The following ZNF804B variants were observed in gnomAD, a reference collection of about 807,000 sequenced individuals.
ZNF804B encodes zinc finger 804B.
ZNF804B carries 80 observed loss-of-function variants against 101.4 expected under a neutral mutation model. That is an observed-to-expected ratio of 0.79 (90% CI 0.66 to 0.95). ZNF804B has a LOEUF of 0.95. Among genes scored for constraint, ZNF804B ranks in the 40% least tolerant of loss-of-function variants. ZNF804B has a pLI of 0.00. For missense variants in ZNF804B, 1,673 were observed against 1,561.9 expected (o/e 1.07, Z -1.20); for synonymous variants, 622 against 558.8 (o/e 1.11, Z -1.59).
chr7:89,335,585 G>A lies in ZNF804B; in HGVS notation c.2603G>A (p.Ser868Asn). ...GAGAAAATGTATTACTTGAATAAAA[G>A]CAAGAGAAATCAAGAGTCTTTGGGC... ...SIEKMYYLNK[S>N]KRNQESLGSP... Residue 868 changes from serine to asparagine, a missense_variant, in exon 4 of 4, where the codon AGC (serine) becomes AAC (asparagine). Ser to Asn is a conservative substitution (Grantham distance 46). Coordinates refer to ENST00000333190, the MANE Select transcript of ZNF804B (RefSeq NM_181646.5). 3.1e-6 allele frequency: 5 copies of A among 1,613,888 alleles called. No homozygotes were observed. Among genetic ancestry groups the A allele is most frequent in the Non-Finnish European group, 4.2e-6 (5 of 1,179,912 alleles).
intron 1 of ZNF804B, among the ~76,000 whole-genome samples, chr7:89,116,349 A>G (rs1790312944): frequency 6.6e-6 from 1 of 152,120 alleles, no homozygotes; most frequent in African/African-American, 2.4e-5. Context: ...CTCCTTAAAA[A>G]CTTAGAAAAT....
chr7:88,932,857 A>C (rs1319500171), intron 1 of ZNF804B, among the ~76,000 whole-genome samples: 1 of 151,814 alleles, frequency 6.6e-6, no homozygotes, highest in Admixed American at 6.6e-5. Context: ...CAAATTCTCA[A>C]AGAAGAATTG....
At chr7:89,031,656 TTTTTG>T (rs1371068827) in intron 1 of ZNF804B, among the ~76,000 whole-genome samples, 35 of 141,956 alleles carry the variant, frequency 2.5e-4, no homozygotes, top group Admixed American at 7.2e-5. Context: ...AGGCTTCTGG[TTTTTG>T]TTTTTTTTTT....
At chr7:89,278,831 C>T (rs2115861694) in intron 2 of ZNF804B, among the ~76,000 whole-genome samples, 1 of 151,840 alleles carries the variant, frequency 6.6e-6, no homozygotes, top group Non-Finnish European at 1.5e-5. Context: ...CTTGGCGATG[C>T]AGGCTCTTTT....
At chr7:89,302,083 C>T (rs1202263023) in intron 2 of ZNF804B, among the ~76,000 whole-genome samples, 2 of 150,406 alleles carry the variant, frequency 1.3e-5, no homozygotes, top group African/African-American at 4.9e-5. Context: ...GACATATATA[C>T]ATAAGCACAA....
At chr7:89,233,903 T>G (rs1469488100) in intron 2 of ZNF804B, among the ~76,000 whole-genome samples, 3 of 152,192 alleles carry the variant, frequency 2.0e-5, no homozygotes, top group Non-Finnish European at 2.9e-5. Flanking sequence ...GGATCACATG[T>G]GTGGCCATTG....
intron 1 of ZNF804B, among the ~76,000 whole-genome samples, chr7:89,157,128 A>G (rs1790991366): frequency 1.3e-5 from 2 of 152,216 alleles, no homozygotes; most frequent in Non-Finnish European, 2.9e-5. Context: ...CAGTAAAATA[A>G]GATTTGCTTA....
At chr7:89,092,020 A>G (rs1176448872) in intron 1 of ZNF804B, among the ~76,000 whole-genome samples, 5 of 152,190 alleles carry the variant, frequency 3.3e-5, no homozygotes, top group Admixed American at 2.6e-4. Flanking sequence ...CTATTATAAC[A>G]AAACACTGTA....
intron 1 of ZNF804B, among the ~76,000 whole-genome samples, chr7:88,959,503 A>G (rs141904144): frequency 1.6e-4 from 24 of 151,490 alleles, no homozygotes; most frequent in African/African-American, 4.8e-4. Context: ...TTATTTTAAT[A>G]TTCAAATAAT....
intron 2 of ZNF804B, among the ~76,000 whole-genome samples, chr7:89,307,520 AT>A (rs1201455624): frequency 6.6e-6 from 1 of 151,992 alleles, no homozygotes; most frequent in Non-Finnish European, 1.5e-5. Flanking sequence ...TATGAAATAT[AT>A]TGCCACTTAA....
chr7:89,127,719 C>T (rs1790494347), intron 1 of ZNF804B, among the ~76,000 whole-genome samples: 1 of 151,458 alleles, frequency 6.6e-6, no homozygotes, highest in Non-Finnish European at 1.5e-5. Context: ...ATAAATCTGT[C>T]TTAAATATAA....
In ZNF804B at chr7:89,334,886, A is replaced by C; in HGVS notation, c.1904A>C (p.Lys635Thr). The C allele has an allele frequency of 6.2e-7, 1 of 1,613,838 alleles. No homozygotes were observed. The highest frequency in any genetic ancestry group is 1.1e-5 in the South Asian group (1 of 91,076). The change falls in exon 4 of 4, where the codon AAA becomes ACA. Residue 635 changes from lysine (K) to threonine (T), a missense_variant. Transcript: ENST00000333190. ...LSFPSYISRFKKHKLIPCSPH... is the reference protein window; with the variant it reads ...LSFPSYISRFTKHKLIPCSPH... ...TTTCCTTCCTACATCTCTAGGTTTA[A>C]AAAGCATAAATTGATTCCCTGCAGT...
intron 1 of ZNF804B, among the ~76,000 whole-genome samples, chr7:88,807,703 C>T (rs1393859208): frequency 1.3e-5 from 2 of 152,054 alleles, no homozygotes; most frequent in African/African-American, 4.8e-5. Context: ...TACAAAAGGT[C>T]TCAAGCTGTA....
At chr7:88,815,477 A>G (rs751162200) in intron 1 of ZNF804B, among the ~76,000 whole-genome samples, 3 of 149,818 alleles carry the variant, frequency 2.0e-5, no homozygotes, top group Non-Finnish European at 4.4e-5. Flanking sequence ...TTATTAGAAT[A>G]TATTATATAT....
chr7:88,914,155 C>T (rs1792596040), intron 1 of ZNF804B, among the ~76,000 whole-genome samples: 1 of 152,104 alleles, frequency 6.6e-6, no homozygotes, highest in African/African-American at 2.4e-5. Context: ...AGTTCACCTT[C>T]AAACTCAGCA....
chr7:88,881,843 G>A lies in ZNF804B; in HGVS notation c.108+121759G>A, dbSNP rs530347890. Among the ~76,000 whole-genome samples, 10 of 152,248 alleles carry A rather than the reference G, an allele frequency of 6.6e-5. No homozygotes were observed. In the South Asian group the frequency reaches 2.1e-3, roughly 32 times the overall value. On this transcript the variant is annotated intron_variant, in intron 1 of 3. Transcript: ENST00000333190. ...ACAACTTATATTCTGGGAACTGTAA[G>A]TAACATTTAGCTGCTTACCCCAAAT...
At chr7:88,942,575 T>C (rs550346802) in intron 1 of ZNF804B, among the ~76,000 whole-genome samples, 2 of 151,048 alleles carry the variant, frequency 1.3e-5, no homozygotes, top group South Asian at 4.2e-4. Flanking sequence ...TTCACTGATA[T>C]ATCTTTTAAG....
intron 1 of ZNF804B, among the ~76,000 whole-genome samples, chr7:88,894,187 C>A (rs991647189): frequency 3.3e-5 from 5 of 150,766 alleles, no homozygotes; most frequent in Admixed American, 1.3e-4. Context: ...TTGTGGGCTT[C>A]AATGAGTTAA....
intron 1 of ZNF804B, among the ~76,000 whole-genome samples, chr7:88,945,397 G>A (rs7798642): frequency 0.014 from 2,157 of 152,142 alleles, 34 homozygotes; most frequent in Admixed American, 0.041. Context: ...TCAGTTAGTT[G>A]TAGATGTGTG....
Sources: allele counts gnomAD v4.1 joint callset (sites outside exome capture counted in the v4.1 genomes callset), GRCh38; gene constraint gnomAD v4.1.1; transcripts MANE v1.5; gene names NCBI Gene and HGNC (gene_info 2026-07-23, HGNC 2026-07-21).